Variants in GUCY1A2 observed in about 807,000 individuals in gnomAD.
GUCY1A2 encodes guanylate cyclase 1 soluble subunit alpha 2.
GUCY1A2 carries 27 observed loss-of-function variants against 63.5 expected under a neutral mutation model. That is an observed-to-expected ratio of 0.43 (90% CI 0.31 to 0.59). The LOEUF (loss-of-function observed/expected upper bound fraction) is 0.59, where lower values mean the gene tolerates loss of function less well. GUCY1A2 is among the 20% of genes least tolerant of loss of function. The pLI is 0.11. For synonymous variants in GUCY1A2, 364 were observed against 343.5 expected, an observed-to-expected ratio of 1.06 and a Z score of -0.66; for missense variants, 768 against 913.3, an observed-to-expected ratio of 0.84 and a Z score of 2.05.
intron 3 of GUCY1A2, among the ~76,000 whole-genome samples, chr11:106,954,849 A>G (rs60537958): frequency 0.035 from 5,225 of 150,672 alleles, 303 homozygotes; most frequent in African/African-American, 0.12. Flanking sequence ...TTTTCTTTCC[A>G]TTTGCTTGGT....
chr11:106,699,922 C>A (rs1423245060), intron 7 of GUCY1A2, among the ~76,000 whole-genome samples: 1 of 152,038 alleles, frequency 6.6e-6, no homozygotes, highest in Non-Finnish European at 1.5e-5. Flanking sequence ...GCTGGGACTA[C>A]AGGCGCCCGT....
chr11:106,796,017 G>C (rs1008195871), intron 5 of GUCY1A2, among the ~76,000 whole-genome samples: 1 of 152,098 alleles, frequency 6.6e-6, no homozygotes, highest in African/African-American at 2.4e-5. Context: ...ATATATTTAG[G>C]ATAGTTAGCT....
Position 106,679,735 on chromosome 11 carries a change from T to C in GUCY1A2, c.*7814A>G, listed in dbSNP as rs943026875. 4.6e-6 allele frequency: 1 copy of C among 219,600 alleles called. No homozygotes were observed. The highest frequency in any genetic ancestry group is 2.2e-5 in the African/African-American group (1 of 44,520). 13.6% of individuals were successfully genotyped at this position (219,600 alleles called of 1,614,324 possible). ...AATTTTAGCAGGGTTTTCTGTGGCA[T>C]ATGGCAGAGCTGGTATTGGGCCTTC... On this transcript the variant is annotated 3_prime_UTR_variant, in exon 8 of 8. Coordinates refer to ENST00000526355, the MANE Select transcript of GUCY1A2 (RefSeq NM_000855.3).
intron 1 of GUCY1A2, 57 bp downstream of exon 1, chr11:107,017,696 T>G: frequency 8.9e-7 from 1 of 1,120,466 alleles, no homozygotes; most frequent in Non-Finnish European, 1.2e-6. Context: ...CAGCGCCAAC[T>G]TTACAGATCC....
intron 7 of GUCY1A2, among the ~76,000 whole-genome samples, chr11:106,705,154 G>A (rs963467475): frequency 2.6e-5 from 4 of 151,986 alleles, no homozygotes; most frequent in African/African-American, 7.2e-5. Context: ...AAAATATACC[G>A]AAGTGTTGAT....
At chr11:106,743,457 A>G (rs1160256401) in intron 6 of GUCY1A2, among the ~76,000 whole-genome samples, 1 of 152,182 alleles carries the variant, frequency 6.6e-6, no homozygotes, top group Non-Finnish European at 1.5e-5. Context: ...AATTACCATG[A>G]ATATGATAGA....
chr11:106,871,982 G>A (rs991041963), intron 4 of GUCY1A2, among the ~76,000 whole-genome samples: 2 of 152,106 alleles, frequency 1.3e-5, no homozygotes, highest in African/African-American at 4.8e-5. Context: ...GTGCTCTGCT[G>A]TAGATGTTGT....
intron 6 of GUCY1A2, among the ~76,000 whole-genome samples, chr11:106,717,646 T>G (rs1267081365): frequency 6.6e-6 from 1 of 152,222 alleles, no homozygotes; most frequent in East Asian, 1.9e-4. Context: ...GTGTTGCTTT[T>G]AGATTTATGT....
chr11:106,807,523 C>T lies in GUCY1A2; in HGVS notation c.1692+2470G>A, dbSNP rs560641528. ...ATTTCCAGTCTGGATCTCCCAAACT[C>T]AACCTCCCTAATCCTGAATAAGCAG... On this transcript the variant is annotated intron_variant, in intron 5 of 7. Transcript: ENST00000526355. Among the ~76,000 whole-genome samples the T allele has an allele frequency of 6.6e-5, 10 of 152,282 alleles. No homozygotes were observed. In the South Asian group the frequency reaches 2.1e-3, roughly 32 times the overall value.
At chr11:106,874,500 A>G (rs1246177808) in intron 4 of GUCY1A2, among the ~76,000 whole-genome samples, 1 of 152,166 alleles carries the variant, frequency 6.6e-6, no homozygotes, top group African/African-American at 2.4e-5. Context: ...AATTGCAGAC[A>G]CTGCATAGTG....
chr11:106,754,083 T>C (rs982318214), intron 6 of GUCY1A2, among the ~76,000 whole-genome samples: 1 of 151,784 alleles, frequency 6.6e-6, no homozygotes, highest in Non-Finnish European at 1.5e-5. Flanking sequence ...CCCTTGAAAG[T>C]TGGATTCCCA....
At chr11:106,871,869 GA>G (rs1252715631) in intron 4 of GUCY1A2, among the ~76,000 whole-genome samples, 2 of 152,130 alleles carry the variant, frequency 1.3e-5, no homozygotes, top group African/African-American at 2.4e-5. Context: ...GTATAGACAG[GA>G]AAATATTAGC....
At chr11:106,715,780 C>G (rs1181557321) in intron 6 of GUCY1A2, among the ~76,000 whole-genome samples, 1 of 152,180 alleles carries the variant, frequency 6.6e-6, no homozygotes, top group Non-Finnish European at 1.5e-5. Context: ...TACATCCAAT[C>G]TTAATCACAG....
intron 4 of GUCY1A2, among the ~76,000 whole-genome samples, chr11:106,862,721 G>A (rs1417428079): frequency 1.4e-5 from 2 of 144,742 alleles, no homozygotes; most frequent in Non-Finnish European, 3.0e-5. Flanking sequence ...GGAATGAGGA[G>A]AAAATTCTCT....
At chr11:106,873,468 G>A (rs117622559) in intron 4 of GUCY1A2, among the ~76,000 whole-genome samples, 2,706 of 152,176 alleles carry the variant, frequency 0.018, 38 homozygotes, top group Non-Finnish European at 0.03. Context: ...CATTTTGACT[G>A]GTATGAGATG....
chr11:106,687,638 T>C lies in GUCY1A2; in HGVS notation c.2110A>G (p.Lys704Glu), dbSNP rs768640691. The change falls in exon 8 of 8, where the codon AAG (lysine) becomes GAG (glutamate). Residue 704 changes from lysine to glutamate, a missense_variant. Lys to Glu is a moderately conservative substitution (Grantham distance 56). This residue lies in a region of GUCY1A2 where 150 missense variants were observed against 188.3 expected (regional missense o/e 0.80). Transcript: ENST00000526355. ...CYFLEVRTGP[K>E]PPKPSLSSSR... The stretch of plus-strand genomic sequence containing the variant: ...GAAGAAAGAGAAGGCTTTGGTGGCT[T>C]TGGACCAGTCCTTACCTCCAGGAAA... 6.2e-7 allele frequency: 1 copy of C among 1,614,012 alleles called. No individual in the cohort carries two copies. The highest frequency in any genetic ancestry group is 1.3e-5 in the African/African-American group (1 of 75,030).
At chr11:106,802,681 C>A (rs908977594) in intron 5 of GUCY1A2, among the ~76,000 whole-genome samples, 1 of 152,138 alleles carries the variant, frequency 6.6e-6, no homozygotes, top group Non-Finnish European at 1.5e-5. Context: ...AGCCAATTCA[C>A]TTCCCAGGTG....
intron 4 of GUCY1A2, among the ~76,000 whole-genome samples, chr11:106,842,814 A>T (rs41401549): frequency 0.29 from 43,558 of 151,732 alleles, 6,610 homozygotes; most frequent in African/African-American, 0.4. Flanking sequence ...TGTGATTCTC[A>T]AATAAGCTTC....
chr11:106,909,355 CTGTGTGTGTGTGTGTGTG>C (rs59067320), intron 4 of GUCY1A2, among the ~76,000 whole-genome samples: 3 of 119,980 alleles, frequency 2.5e-5, no homozygotes, highest in African/African-American at 6.4e-5. Context: ...TGGTACTCAT[CTGTGTGTGTGTGTGTGTG>C]TGTGTGTGTG....
Sources: allele counts gnomAD v4.1 joint callset (sites outside exome capture counted in the v4.1 genomes callset), GRCh38; gene constraint gnomAD v4.1.1; regional missense constraint gnomAD v4.1.1; transcripts MANE v1.5; gene names NCBI Gene and HGNC (gene_info 2026-07-23, HGNC 2026-07-21).